The following RHOT1 variants were observed in gnomAD, a reference collection of about 807,000 sequenced individuals.
RHOT1 encodes the protein ras homolog family member T1.
Under a neutral mutation model 95.3 loss-of-function variants are expected in RHOT1, and 27 were observed. The observed-to-expected ratio is 0.28, with a 90% confidence interval of 0.21 to 0.39. RHOT1 has a LOEUF of 0.39. Among genes scored for constraint, RHOT1 ranks in the 10% least tolerant of loss-of-function variants. The pLI is 1.00. For synonymous variants in RHOT1, 227 were observed against 263.5 expected, an observed-to-expected ratio of 0.86 and a Z score of 1.34; for missense variants, 578 against 786.7, an observed-to-expected ratio of 0.73 and a Z score of 3.17.
In RHOT1 at chr17:32,200,948, T is replaced by C. The variant is rs936704752; in HGVS notation, c.1101-8T>C. On this transcript the variant is annotated splice_polypyrimidine_tract_variant and splice_region_variant and intron_variant, in intron 13 of 19. Coordinates refer to ENST00000545287, the MANE Select transcript of RHOT1 (RefSeq NM_001033566.3). ...ACTTTTCACATTTTAAACTCTTTTC[T>C]TTCATAGGCTCACGACTTATTTAGA... The C allele has an allele frequency of 1.3e-6, 2 of 1,598,618 alleles. No individual in the cohort carries two copies. The highest frequency in any genetic ancestry group is 2.7e-5 in the African/African-American group (2 of 74,462).
chr17:32,158,732 G>A (rs111737439), intron 1 of RHOT1, among the ~76,000 whole-genome samples: 1,920 of 152,206 alleles, frequency 0.013, 43 homozygotes, highest in African/African-American at 0.043. Context: ...TGCTGGGATT[G>A]CAGGCATGAG....
chr17:32,152,873 GGCTCACTGTA>G (rs1268016579), intron 1 of RHOT1, among the ~76,000 whole-genome samples: 1 of 151,728 alleles, frequency 6.6e-6, no homozygotes, highest in African/African-American at 2.4e-5. Flanking sequence ...GCGTGATCAT[GGCTCACTGTA>G]GCTTCGACTT....
At chr17:32,202,431 A>G (rs2037395044) in intron 14 of RHOT1, among the ~76,000 whole-genome samples, 1 of 152,216 alleles carries the variant, frequency 6.6e-6, no homozygotes. Flanking sequence ...AATTAGATGG[A>G]ATATAATGTT....
intron 1 of RHOT1, among the ~76,000 whole-genome samples, chr17:32,150,145 G>A (rs1454619355): frequency 1.3e-5 from 2 of 152,146 alleles, no homozygotes; most frequent in Non-Finnish European, 2.9e-5. Context: ...AGGTAGGGAG[G>A]CCCTAAGGAG....
chr17:32,143,002 C>T, intron 1 of RHOT1: 1 of 694,494 alleles, frequency 1.4e-6, no homozygotes, highest in African/African-American at 2.2e-5. Context: ...AAGCCATGTC[C>T]CTATTAGCCC....
chr17:32,206,976 G>T lies in RHOT1; in HGVS notation c.1483G>T (p.Val495Leu), dbSNP rs2037802238. ...AATCATTTGTGATGTTGTATGCCTG[G>T]TATATGATGTCAGCAATCCCAAATC... ...AEIICDVVCL[V>L]YDVSNPKSFE... Residue 495 changes from valine (V) to leucine (L), a missense_variant, in exon 17 of 20, where the codon GTA becomes TTA. By Grantham distance (32) the Val-to-Leu change is conservative. Around this residue, in one of 4 missense-constraint regions of RHOT1, gnomAD observed 296 missense variants for 338.5 expected, o/e 0.87. Coordinates refer to ENST00000545287, the MANE Select transcript of RHOT1 (RefSeq NM_001033566.3). 1.9e-6 allele frequency: 3 copies of T among 1,612,206 alleles called. No homozygotes were observed. The East Asian group carries it at 6.7e-5, about 36-fold the overall frequency.
intron 19 of RHOT1, among the ~76,000 whole-genome samples, chr17:32,213,599 C>G (rs1242515347): frequency 1.7e-4 from 26 of 152,226 alleles, no homozygotes; most frequent in Admixed American, 1.7e-3. Context: ...CCATATTCCT[C>G]TGATCTACCA....
chr17:32,204,050 T>C (rs2037518861), intron 16 of RHOT1, 77 bp downstream of exon 16: 11 of 945,132 alleles, frequency 1.2e-5, no homozygotes, highest in Non-Finnish European at 1.8e-5. Flanking sequence ...ACAAATTGGC[T>C]TCAATTGAAT....
chr17:32,181,433 G>T (rs1598378499), intron 6 of RHOT1, among the ~76,000 whole-genome samples: 1 of 151,996 alleles, frequency 6.6e-6, no homozygotes, highest in Non-Finnish European at 1.5e-5. Flanking sequence ...CCTATCAGCT[G>T]TTTCTGTCTT....
At chr17:32,162,110 T>C (rs927436261) in intron 1 of RHOT1, among the ~76,000 whole-genome samples, 3 of 152,188 alleles carry the variant, frequency 2.0e-5, no homozygotes, top group African/African-American at 7.2e-5. Context: ...TGACTCCAGC[T>C]GTTTCCCTGT....
intron 19 of RHOT1, among the ~76,000 whole-genome samples, chr17:32,211,960 G>C (rs1189200831): frequency 6.6e-6 from 1 of 152,242 alleles, no homozygotes; most frequent in East Asian, 1.9e-4. Flanking sequence ...ATCTTGGAAG[G>C]TTGTATTCTT....
intron 16 of RHOT1, 131 bp from the exon 17 acceptor site, chr17:32,206,779 T>C (rs954538986): frequency 3.8e-5 from 26 of 687,564 alleles, no homozygotes; most frequent in Middle Eastern, 4.2e-4. Context: ...CTTTTAAAAC[T>C]GGCCTGAAAA....
chr17:32,152,808 T>C (rs1217825921), intron 1 of RHOT1, among the ~76,000 whole-genome samples: 8 of 152,146 alleles, frequency 5.3e-5, no homozygotes, highest in Admixed American at 4.6e-4. Flanking sequence ...TTATCTTTTT[T>C]TTTTTTTCTT....
At chr17:32,183,098 C>A in intron 7 of RHOT1, 73 bp from the exon 8 acceptor site, 2 of 1,242,384 alleles carry the variant, frequency 1.6e-6, no homozygotes, top group Non-Finnish European at 2.3e-6. Flanking sequence ...TTTTTTTTGC[C>A]TTATGTTGAT....
chr17:32,161,524 C>A (rs186106656), intron 1 of RHOT1, among the ~76,000 whole-genome samples: 220 of 152,304 alleles, frequency 1.4e-3, no homozygotes, highest in African/African-American at 5.2e-3. Flanking sequence ...ATAATCCTAA[C>A]CTTGTGGCCT....
intron 8 of RHOT1, among the ~76,000 whole-genome samples, chr17:32,189,692 G>A (rs1265717318): frequency 7.9e-5 from 12 of 151,492 alleles, no homozygotes; most frequent in Admixed American, 6.6e-4. Context: ...TGCCTATAAC[G>A]GAATCTTTTA....
intron 4 of RHOT1, 120 bp from the exon 5 acceptor site, chr17:32,175,842 T>C (rs2034960654): frequency 1.6e-6 from 1 of 613,828 alleles, no homozygotes; most frequent in Non-Finnish European, 2.6e-6. Flanking sequence ...TTTTGTTTTT[T>C]TGTTTTAGCT....
chr17:32,209,201 A>G (rs1045303287), intron 18 of RHOT1: 3 of 412,290 alleles, frequency 7.3e-6, no homozygotes, highest in African/African-American at 4.1e-5. Context: ...CTTTACTGCT[A>G]TTTTATTACC....
chr17:32,149,294 C>T (rs982592954), intron 1 of RHOT1, among the ~76,000 whole-genome samples: 4 of 149,866 alleles, frequency 2.7e-5, no homozygotes, highest in Non-Finnish European at 5.9e-5. Context: ...ATGCATTTGT[C>T]CTATAACTTT....
Sources: gnomAD v4.1 joint callset for allele counts (sites outside exome capture counted in the v4.1 genomes callset) on GRCh38, gnomAD v4.1.1 for gene constraint, gnomAD v4.1.1 regional missense constraint, MANE v1.5 for transcripts, NCBI Gene and HGNC (gene_info 2026-07-23, HGNC 2026-07-21) for gene names.